Variants in ELFN1 observed in about 807,000 individuals in gnomAD.
ELFN1 encodes the protein extracellular leucine rich repeat and fibronectin type III domain containing 1.
ELFN1 carries 6 observed loss-of-function variants against 7.6 expected under a neutral mutation model. The observed-to-expected ratio is 0.79, with a 90% CI of 0.43 to 1.56. The LOEUF (loss-of-function observed/expected upper bound fraction) is 1.56. Among genes scored for constraint, ELFN1 ranks in the 40% most tolerant of loss-of-function variants. The probability of loss-of-function intolerance (pLI) is 0.01; values close to 1 mark genes in which losing one functional copy is unlikely to be tolerated. For missense variants in ELFN1, 1,169 were observed against 1,232.2 expected (o/e 0.95, Z 0.77); for synonymous variants, 657 against 588.1 (o/e 1.12, Z -1.70).
chr7:1,717,042 G>C (rs988177614), intron 3 of ELFN1, among the ~76,000 whole-genome samples: 1 of 152,228 alleles, frequency 6.6e-6, no homozygotes, highest in Non-Finnish European at 1.5e-5. Context: ...GCATGCAGGA[G>C]GGAGGAGGGG....
In ELFN1 at chr7:1,737,451, C is replaced by T. The variant is rs184080952; in HGVS notation, c.-293-6853C>T. Among the ~76,000 whole-genome samples, 12 of 152,284 alleles carry T rather than the reference C, an allele frequency of 7.9e-5. No homozygotes were observed. In the East Asian group the frequency reaches 1.4e-3, roughly 17 times the overall value. On this transcript the variant is annotated intron_variant, in intron 3 of 3. Transcript: ENST00000424383. ...AATCCCAGCAGATTCCAGCTGGAGT[C>T]GGGGTCTTTTCTGCTGTCCGAGGCG...
In ELFN1 at chr7:1,670,531, G is replaced by A. The variant is rs542562642; in HGVS notation, c.-549+177G>A. ...CCTGGCGCGCGATCCGAGCGCAGCG[G>A]GCAAAGTTGGAGGAACTTGGCGGCG... is the stretch of plus-strand genomic sequence containing the variant. On this transcript the variant is annotated intron_variant, in intron 1 of 3. Transcript: ENST00000424383. This position sits in a 1 kb window ranked among gnomAD's most constrained non-coding sequence, Gnocchi z 6.4. Among the ~76,000 whole-genome samples, 561 of 151,854 alleles carry A rather than the reference G, an allele frequency of 3.7e-3. 4 individuals are homozygous for A. The highest frequency in any genetic ancestry group is 0.013 in the African/African-American group (540 of 41,454).
chr7:1,693,557 G>A (rs927785997), intron 2 of ELFN1: 58 of 471,146 alleles, frequency 1.2e-4, no homozygotes, highest in Non-Finnish European at 2.3e-4. Context: ...GCCTGTGGAC[G>A]TAGCCTTGCT....
At chr7:1,678,161 C>A (rs1299366089) in intron 1 of ELFN1, among the ~76,000 whole-genome samples, 1 of 152,100 alleles carries the variant, frequency 6.6e-6, no homozygotes, top group Non-Finnish European at 1.5e-5. Flanking sequence ...TGTGCCCTCA[C>A]CATGCACAGT....
chr7:1,701,927 G>A (rs923686427), intron 2 of ELFN1, among the ~76,000 whole-genome samples: 5 of 151,900 alleles, frequency 3.3e-5, no homozygotes, highest in Non-Finnish European at 7.4e-5. Context: ...GACTTTATAC[G>A]TGATGGGAAG....
chr7:1,708,380 C>T (rs1779581679), intron 2 of ELFN1, among the ~76,000 whole-genome samples: 1 of 152,218 alleles, frequency 6.6e-6, no homozygotes, highest in African/African-American at 2.4e-5. Context: ...AATGACCTGA[C>T]CTGTGGGCGG....
chr7:1,729,593 G>A (rs549688877), intron 3 of ELFN1, among the ~76,000 whole-genome samples: 285 of 152,298 alleles, frequency 1.9e-3, no homozygotes, highest in African/African-American at 2.5e-3. Context: ...ACACGGCTTC[G>A]CTTCTACCAG....
rs112932747 is a variant in ELFN1 at position 1,696,735 on chromosome 7, C to T, written c.-456+8585C>T. On this transcript the variant is annotated intron_variant, in intron 2 of 3. Transcript: ENST00000424383. ...TTCCTTGTAAAGGCTCTAATCCCAT[C>T]GTGGGCCCCACCCTCATGACCTCGG... Among the ~76,000 whole-genome samples the T allele has an allele frequency of 3.9e-5, 6 of 152,224 alleles. No homozygotes were observed. In the East Asian group the frequency reaches 9.7e-4, roughly 25 times the overall value.
intron 1 of ELFN1, among the ~76,000 whole-genome samples, chr7:1,680,762 G>A (rs1255005434): frequency 7.8e-6 from 1 of 128,750 alleles, no homozygotes; most frequent in African/African-American, 3.0e-5. Context: ...TTTTTTTTGA[G>A]ACTGAATCTC....
rs1779091402 is a variant in ELFN1, at chr7:1,688,081, C to T, written c.-525C>T. 6.7e-6 allele frequency: 1 copy of T among 150,000 alleles called. No homozygotes were observed. Among genetic ancestry groups the T allele is most frequent in the African/African-American group, 2.5e-5 (1 of 40,604 alleles). 9.3% of individuals were successfully genotyped at this position (150,000 alleles called of 1,614,324 possible). A position where few individuals can be genotyped will look rare whatever the true frequency, so the allele number is the denominator to read the frequency against. ...AGAGACAGAGTCTCCCTGTGTTGCC[C>T]AGACGGGTCTCAAATTCCTGGACTT... On this transcript the variant is annotated 5_prime_UTR_variant, in exon 2 of 4. Transcript: ENST00000424383.
intron 3 of ELFN1, among the ~76,000 whole-genome samples, chr7:1,733,829 C>A (rs1780374338): frequency 2.0e-5 from 3 of 152,060 alleles, no homozygotes; most frequent in Non-Finnish European, 4.4e-5. Flanking sequence ...TGCAGACAGC[C>A]CACACGCCTG....
intron 1 of ELFN1, among the ~76,000 whole-genome samples, chr7:1,683,655 C>A (rs931706494): frequency 6.6e-6 from 1 of 152,156 alleles, no homozygotes; most frequent in Non-Finnish European, 1.5e-5. Context: ...AAATCCCCAA[C>A]TATTTTTGTT....
chr7:1,675,094 C>T (rs10252526), intron 1 of ELFN1, among the ~76,000 whole-genome samples: 2 of 151,838 alleles, frequency 1.3e-5, no homozygotes, highest in African/African-American at 4.8e-5. Context: ...ACCCGGCAGC[C>T]CACGGCGTGG....
At chr7:1,718,620 C>T (rs555177908) in intron 3 of ELFN1, among the ~76,000 whole-genome samples, 1 of 152,286 alleles carries the variant, frequency 6.6e-6, no homozygotes, top group Non-Finnish European at 1.5e-5. Flanking sequence ...GTGGCGTTTG[C>T]AGTGACATCG....
chr7:1,740,516 G>C lies in ELFN1; in HGVS notation c.-293-3788G>C, dbSNP rs1252754763. 6.6e-6 allele frequency among the ~76,000 whole-genome samples: 1 copy of C among 152,228 alleles called. No individual in the cohort carries two copies. Among genetic ancestry groups the C allele is most frequent in the Non-Finnish European group, 1.5e-5 (1 of 68,034 alleles). ...TGAGTGCGGATCAGCGAGGGCACAG[G>C]CTGGCGGGGCATCGAGAGTGACTTG... On this transcript the variant is annotated intron_variant, in intron 3 of 3. Coordinates refer to ENST00000424383, the MANE Select transcript of ELFN1 (RefSeq NM_001128636.4). The surrounding 1 kb of genome is among the most constrained non-coding windows in gnomAD (Gnocchi z 5.0).
chr7:1,697,396 G>A (rs577307993), intron 2 of ELFN1, among the ~76,000 whole-genome samples: 63 of 152,282 alleles, frequency 4.1e-4, no homozygotes, highest in South Asian at 4.1e-4. Flanking sequence ...GGGAGGAGCC[G>A]GTGCTGGGAG....
chr7:1,742,028 GGGT>G (rs1429142764), intron 3 of ELFN1, among the ~76,000 whole-genome samples: 1 of 152,134 alleles, frequency 6.6e-6, no homozygotes, highest in Non-Finnish European at 1.5e-5. Context: ...ACACGTGTGT[GGGT>G]GGACACAGGT....
Position 1,746,773 on chromosome 7 carries a change from C to T in ELFN1, c.2177C>T (p.Pro726Leu), listed in dbSNP as rs534350448. The part of the protein sequence containing the change: ...PAPPGPPPPP[P>L]HEGLGRKASI... ...CCCCCCGGGCCACCGCCGCCGCCTC[C>T]GCACGAGGGCCTGGGGCGCAAGGCG... Residue 726 changes from proline (P) to leucine (L), a missense_variant, in exon 4 of 4, where the codon CCG (proline) becomes CTG (leucine). Pro to Leu is a moderately conservative substitution (Grantham distance 98, BLOSUM62 -3). Around this residue, in one of 2 missense-constraint regions of ELFN1, gnomAD observed 914 missense variants for 872.6 expected, o/e 1.05. Coordinates refer to ENST00000424383, the MANE Select transcript of ELFN1 (RefSeq NM_001128636.4). 131 of 1,516,436 alleles carry T rather than the reference C, an allele frequency of 8.6e-5. 1 individual carries two copies. The East Asian group carries it at 2.9e-3, about 34-fold the overall frequency. 93.9% of individuals were successfully genotyped at this position (1,516,436 alleles called of 1,614,324 possible).
chr7:1,727,285 G>T (rs554770531), intron 3 of ELFN1, among the ~76,000 whole-genome samples: 1 of 152,300 alleles, frequency 6.6e-6, no homozygotes, highest in East Asian at 1.9e-4. Flanking sequence ...TTCTCCCTGG[G>T]GTAGCTAGAA....
Sources: gnomAD v4.1 joint callset for allele counts (sites outside exome capture counted in the v4.1 genomes callset) on GRCh38, gnomAD v4.1.1 for gene constraint, gnomAD v4.1.1 regional missense constraint, Gnocchi (gnomAD v3.1) non-coding constraint, MANE v1.5 for transcripts, NCBI Gene and HGNC (gene_info 2026-07-23, HGNC 2026-07-21) for gene names.